Variants in UBXN2A observed in about 807,000 individuals in gnomAD.
UBXN2A encodes the protein UBX domain-containing protein 2A.
Under a neutral mutation model 28.4 loss-of-function variants are expected in UBXN2A, and 28 were observed. That is an observed-to-expected ratio of 0.99 (90% CI 0.73 to 1.35). UBXN2A has a LOEUF of 1.35. UBXN2A is among the 40% of genes most tolerant of loss of function. The pLI is 0.00. For synonymous variants in UBXN2A, 97 were observed against 103.6 expected (o/e 0.94, Z 0.39); for missense variants, 253 against 297.9 (o/e 0.85, Z 1.11).
At chr2:23,936,442 G>A (rs1019999332), upstream of UBXN2A, among the ~76,000 whole-genome samples, 1 of 152,044 alleles carries the variant, frequency 6.6e-6, no homozygotes. Flanking sequence ...GTGCGTGGTG[G>A]CTCAGACCTG....
At chr2:23,969,563 A>G (rs1199228124) in intron 2 of UBXN2A, among the ~76,000 whole-genome samples, 1 of 152,094 alleles carries the variant, frequency 6.6e-6, no homozygotes, top group Non-Finnish European at 1.5e-5. Flanking sequence ...GGGTTTCACC[A>G]CGTTGGCCAG....
At chr2:23,963,140 C>G (rs1299735687) in intron 2 of UBXN2A, among the ~76,000 whole-genome samples, 5 of 152,138 alleles carry the variant, frequency 3.3e-5, no homozygotes, top group Admixed American at 1.3e-4. Flanking sequence ...TACCTCCCAC[C>G]AGGTCCCTCC....
At chr2:23,942,133 A>G (rs1454287524) in intron 1 of UBXN2A, among the ~76,000 whole-genome samples, 1 of 152,182 alleles carries the variant, frequency 6.6e-6, no homozygotes, top group Non-Finnish European at 1.5e-5. Flanking sequence ...AAGCAAAGAC[A>G]GAGGCTAAAA....
chr2:23,957,758 C>T (rs1378802830), intron 1 of UBXN2A, among the ~76,000 whole-genome samples: 5 of 152,098 alleles, frequency 3.3e-5, no homozygotes, highest in Admixed American at 6.6e-5. Flanking sequence ...CTCTGGAACC[C>T]GGGAGATGGA....
At chr2:23,957,782 C>T (rs1195629912) in intron 1 of UBXN2A, among the ~76,000 whole-genome samples, 1 of 152,162 alleles carries the variant, frequency 6.6e-6, no homozygotes, top group African/African-American at 2.4e-5. Context: ...TGTGGTGAGC[C>T]GAGATTGTGC....
At chr2:23,934,406 A>G (rs1240976134) in intron 1 of UBXN2A, among the ~76,000 whole-genome samples, 2 of 152,234 alleles carry the variant, frequency 1.3e-5, no homozygotes, top group Non-Finnish European at 1.5e-5. Flanking sequence ...ATCATCACAG[A>G]AAGTTCTACT....
rs1455611969 is a variant in UBXN2A, at chr2:23,999,854, T to A, written c.767T>A (p.Leu256His). The part of the protein sequence containing the change: ...RLQKTASFRE[L>H]SEH ...CAAAAAACTGCATCTTTTAGAGAACTTTCAGAGCACTGATTTTTGATAGAC... is the reference window on the plus strand; with the variant it reads ...CAAAAAACTGCATCTTTTAGAGAACATTCAGAGCACTGATTTTTGATAGAC... The change falls in exon 7 of 7, where the codon CTT becomes CAT. Residue 256 changes from leucine to histidine, a missense_variant. By Grantham distance (99) the Leu-to-His change is moderately conservative (BLOSUM62 -3). Coordinates refer to ENST00000309033, the MANE Select transcript of UBXN2A (RefSeq NM_181713.4). 6.2e-7 allele frequency: 1 copy of A among 1,611,590 alleles called. No individual in the cohort carries two copies. The highest frequency in any genetic ancestry group is 2.2e-5 in the East Asian group (1 of 44,856).
chr2:23,960,610 A>T (rs1706858447), intron 2 of UBXN2A, among the ~76,000 whole-genome samples: 1 of 152,102 alleles, frequency 6.6e-6, no homozygotes, highest in African/African-American at 2.4e-5. Flanking sequence ...CCATTGTCCT[A>T]TGCCTTGCCC....
intron 1 of UBXN2A, among the ~76,000 whole-genome samples, chr2:23,955,347 T>C (rs1485273531): frequency 6.6e-6 from 1 of 152,216 alleles, no homozygotes; most frequent in Non-Finnish European, 1.5e-5. Flanking sequence ...AGTTTCTACT[T>C]GTCTTTTGAT....
intron 1 of UBXN2A, among the ~76,000 whole-genome samples, chr2:23,955,358 A>G (rs1373607998): frequency 1.3e-5 from 2 of 152,066 alleles, no homozygotes; most frequent in African/African-American, 4.8e-5. Context: ...GTCTTTTGAT[A>G]TTTCTGTAGA....
intron 4 of UBXN2A, among the ~76,000 whole-genome samples, chr2:23,977,570 G>A (rs1038404103): frequency 5.3e-5 from 8 of 152,086 alleles, no homozygotes; most frequent in African/African-American, 1.7e-4. Context: ...GAACCCGAGA[G>A]GCGGAGGTTG....
At chr2:23,945,344 A>G (rs574950124) in intron 1 of UBXN2A, among the ~76,000 whole-genome samples, 3 of 152,380 alleles carry the variant, frequency 2.0e-5, no homozygotes, top group South Asian at 2.1e-4. Context: ...CTTCATTACT[A>G]TGATTACAGC....
intron 4 of UBXN2A, 56 bp downstream of exon 4, chr2:23,977,131 T>C (rs1707701621): frequency 7.1e-7 from 1 of 1,403,922 alleles, no homozygotes; most frequent in East Asian, 2.3e-5. Context: ...TGGCAGGCTG[T>C]GGCGAGAGGA....
upstream of UBXN2A, among the ~76,000 whole-genome samples, chr2:23,938,619 C>G (rs1705609721): frequency 6.9e-6 from 1 of 144,020 alleles, no homozygotes; most frequent in Non-Finnish European, 1.5e-5. Flanking sequence ...CTGCAAGCGA[C>G]AAAACAATCT....
chr2:23,941,757 C>T lies in UBXN2A; in HGVS notation c.-15+1109C>T, dbSNP rs954312908. On this transcript the variant is annotated intron_variant, in intron 1 of 6. Transcript: ENST00000309033. ...ACTCTGCCTTTAGACTCTACAGTGTCATTGGGCAAAACAGATATTAAGCAA... is the reference window on the plus strand; with the variant it reads ...ACTCTGCCTTTAGACTCTACAGTGTTATTGGGCAAAACAGATATTAAGCAA... Among the ~76,000 whole-genome samples, 6 of 152,292 alleles carry T rather than the reference C, an allele frequency of 3.9e-5. No individual in the cohort carries two copies. In the East Asian group the frequency reaches 1.2e-3, roughly 29 times the overall value.
chr2:23,951,904 A>G (rs576793780), intron 1 of UBXN2A, among the ~76,000 whole-genome samples: 13 of 152,006 alleles, frequency 8.6e-5, no homozygotes, highest in Non-Finnish European at 1.9e-4. Flanking sequence ...CTACGTTTGA[A>G]GGAAGAAATC....
rs745819152 is a variant in UBXN2A, at chr2:23,984,821, A to T, written c.574A>T (p.Ile192Phe). 2 of 1,550,462 alleles carry T rather than the reference A, an allele frequency of 1.3e-6. No homozygotes were observed. Among genetic ancestry groups the T allele is most frequent in the Non-Finnish European group, 1.7e-6 (2 of 1,160,764 alleles). The stretch of plus-strand genomic sequence containing the variant: ...AAAAAGGATTGTCCAGAAATTTAAC[A>T]TTACTCATAGGTGAGTCTTCAATTT... Reference protein sequence around the residue: ...NGKRIVQKFNITHRVSHIKDF... With the variant: ...NGKRIVQKFNFTHRVSHIKDF... The change falls in exon 6 of 7, where the codon ATT (isoleucine) becomes TTT (phenylalanine). Residue 192 changes from isoleucine (I) to phenylalanine (F), a missense_variant. Ile to Phe is a conservative substitution (Grantham distance 21). Coordinates refer to ENST00000309033, the MANE Select transcript of UBXN2A (RefSeq NM_181713.4).
intron 2 of UBXN2A, 107 bp from the exon 3 acceptor site, chr2:23,971,169 C>A: frequency 8.0e-7 from 1 of 1,249,134 alleles, no homozygotes; most frequent in Non-Finnish European, 1.1e-6. Flanking sequence ...GCCTGAACTA[C>A]AGACATGCAC....
At chr2:23,949,576 A>C (rs917738908) in intron 1 of UBXN2A, among the ~76,000 whole-genome samples, 23 of 150,832 alleles carry the variant, frequency 1.5e-4, no homozygotes, top group Non-Finnish European at 2.7e-4. Context: ...AATAAAAATA[A>C]AAATAAGTTT....
Sources: allele counts gnomAD v4.1 joint callset (sites outside exome capture counted in the v4.1 genomes callset), GRCh38; gene constraint gnomAD v4.1.1; transcripts MANE v1.5; gene names NCBI Gene and HGNC (gene_info 2026-07-23, HGNC 2026-07-21).